BCL11B: variants seen among roughly 807,000 people sequenced by gnomAD.
The protein encoded by BCL11B is B-cell lymphoma/leukemia 11B.
A neutral mutation model predicts 49.9 loss-of-function variants in BCL11B; 8 were observed. That is an observed-to-expected ratio of 0.16 (90% CI 0.09 to 0.29). BCL11B has a LOEUF of 0.29. Ranked by LOEUF, BCL11B falls within the 10% of genes least tolerant of loss-of-function variation. BCL11B has a pLI of 1.00. For synonymous variants in BCL11B, 739 were observed against 637.4 expected (o/e 1.16, Z -2.40); for missense variants, 1,006 against 1,351.0 (o/e 0.74, Z 4.00).
At chr14:99,252,491 C>T (rs1053916059) in intron 2 of BCL11B, among the ~76,000 whole-genome samples, 8 of 152,210 alleles carry the variant, frequency 5.3e-5, no homozygotes, top group Admixed American at 6.5e-5. Context: ...AAGTCCTTTT[C>T]TCTCACACAT....
chr14:99,232,140 A>G lies in BCL11B; in HGVS notation c.428-583T>C, dbSNP rs1171424587. 6.6e-6 allele frequency among the ~76,000 whole-genome samples: 1 copy of G among 152,082 alleles called. No homozygotes were observed. The highest frequency in any genetic ancestry group is 1.9e-4 in the East Asian group (1 of 5,138). ...GGGCTCTCTCCAGCCCCAAGCACTGAGCGTGCTGCACCCAAAACGCAATGC... is the reference window on the plus strand; with the variant it reads ...GGGCTCTCTCCAGCCCCAAGCACTGGGCGTGCTGCACCCAAAACGCAATGC... On this transcript the variant is annotated intron_variant, in intron 2 of 3. Transcript: ENST00000357195. The surrounding 1 kb of genome is among the most constrained non-coding windows in gnomAD (Gnocchi z 5.1).
At chr14:99,235,679 T>C (rs1888475169) in intron 2 of BCL11B, among the ~76,000 whole-genome samples, 1 of 151,792 alleles carries the variant, frequency 6.6e-6, no homozygotes, top group African/African-American at 2.4e-5. Flanking sequence ...TCTTTTTTTT[T>C]TCTTTTTTCT....
Position 99,174,594 on chromosome 14 carries a change from C to A in BCL11B, c.2242G>T (p.Gly748Cys). The A allele has an allele frequency of 6.5e-7, 1 of 1,530,294 alleles. No homozygotes were observed. Among genetic ancestry groups the A allele is most frequent in the Non-Finnish European group, 8.8e-7 (1 of 1,141,738 alleles). The allele number at this position is 1,530,294 out of a possible 1,614,324, so 94.8% of individuals were successfully genotyped here. The change falls in exon 4 of 4, where the codon GGC becomes TGC. Residue 748 changes from glycine to cysteine, a missense_variant. This residue lies in a region of BCL11B where 443 missense variants were observed against 499.7 expected (regional missense o/e 0.89). Coordinates refer to ENST00000357195, the MANE Select transcript of BCL11B (RefSeq NM_138576.4). The part of the protein sequence containing the change: ...ATSSEHSSEN[G>C]SLRFSTPPGD... ...GGCGGCGTGGAGAAGCGCAGGCTGC[C>A]GTTCTCGGACGAGTGCTCGGACGAC...
At chr14:99,217,403 C>CACACACATACAG (rs1887882999) in intron 3 of BCL11B, among the ~76,000 whole-genome samples, 6 of 48,684 alleles carry the variant, frequency 1.2e-4, no homozygotes, top group Non-Finnish European at 2.9e-4. Context: ...CACACACACA[C>CACACACATACAG]ACACACACAC....
In BCL11B at chr14:99,175,687, G is replaced by A. The variant is rs1324754052; in HGVS notation, c.1149C>T (p.Gly383=). ...NSSTPPPVSP[G]RGNPMHRLLN... ...GGAGCCGGTGCATAGGGTTGCCGCGGCCCGGGGACACGGGCGGCGGCGTGG... is the reference window on the plus strand; with the variant it reads ...GGAGCCGGTGCATAGGGTTGCCGCGACCCGGGGACACGGGCGGCGGCGTGG... The change falls in exon 4 of 4, where the codon GGC becomes GGT. Residue 383 remains glycine, a synonymous_variant. Transcript: ENST00000357195. 2.6e-6 allele frequency: 4 copies of A among 1,529,930 alleles called. No homozygotes were observed. Among genetic ancestry groups the A allele is most frequent in the Middle Eastern group, 3.7e-4 (2 of 5,400 alleles). The allele number at this position is 1,529,930 out of a possible 1,614,324, so 94.8% of individuals were successfully genotyped here.
chr14:99,240,794 T>G (rs1888646354), intron 2 of BCL11B, among the ~76,000 whole-genome samples: 1 of 152,230 alleles, frequency 6.6e-6, no homozygotes, highest in African/African-American at 2.4e-5. Context: ...TTAATAAAGA[T>G]TGTTAGCACA....
At chr14:99,224,625 CCT>C (rs1217140487) in intron 3 of BCL11B, among the ~76,000 whole-genome samples, 1 of 152,220 alleles carries the variant, frequency 6.6e-6, no homozygotes, top group African/African-American at 2.4e-5. Context: ...CGGCCTTTTC[CCT>C]CTGATTCCCC....
intron 3 of BCL11B, among the ~76,000 whole-genome samples, chr14:99,185,018 T>C (rs1404239933): frequency 6.6e-6 from 1 of 152,142 alleles, no homozygotes; most frequent in Non-Finnish European, 1.5e-5. Context: ...CTTGGTTTCC[T>C]CCCTCAGGGT....
rs1299810030 is a variant in BCL11B at position 99,184,618 on chromosome 14, C to A, written c.641-8423G>T. The stretch of plus-strand genomic sequence containing the variant: ...GAGCGTGTGCTGGGGTCCAGACTCA[C>A]AACTGGCTGCCCCTCACACAGGGAT... On this transcript the variant is annotated intron_variant, in intron 3 of 3. Transcript: ENST00000357195. This position sits in a 1 kb window ranked among gnomAD's most constrained non-coding sequence, Gnocchi z 6.1. 6.6e-6 allele frequency among the ~76,000 whole-genome samples: 1 copy of A among 152,180 alleles called. No homozygotes were observed. The highest frequency in any genetic ancestry group is 2.4e-5 in the African/African-American group (1 of 41,436).
At position 99,174,098 on chromosome 14, in the gene BCL11B, C is replaced by A; in HGVS notation, c.*53G>T. On this transcript the variant is annotated 3_prime_UTR_variant, in exon 4 of 4. Coordinates refer to ENST00000357195, the MANE Select transcript of BCL11B (RefSeq NM_138576.4). ...CGGAGGCAAGTCAGGTCAGCATTCT[C>A]TCGGTTGGCAACGGTTCCACTGTAC... 1 of 1,564,954 alleles carries A rather than the reference C, an allele frequency of 6.4e-7. No homozygotes were observed. Among genetic ancestry groups the A allele is most frequent in the South Asian group, 1.1e-5 (1 of 88,610 alleles).
intron 2 of BCL11B, among the ~76,000 whole-genome samples, chr14:99,254,974 C>T (rs1188732994): frequency 1.3e-5 from 2 of 152,210 alleles, no homozygotes; most frequent in East Asian, 1.9e-4. Context: ...AATGCAACTA[C>T]TGCAGTCCTC....
chr14:99,260,396 T>C (rs142768819), intron 1 of BCL11B, among the ~76,000 whole-genome samples: 2 of 152,290 alleles, frequency 1.3e-5, no homozygotes, highest in Non-Finnish European at 2.9e-5. Flanking sequence ...CGGTTTACTT[T>C]TTTGTTTGCT....
chr14:99,253,450 G>C (rs1889066689), intron 2 of BCL11B, among the ~76,000 whole-genome samples: 2 of 152,336 alleles, frequency 1.3e-5, no homozygotes, highest in South Asian at 2.1e-4. Flanking sequence ...ATGCGGCGGA[G>C]GAGGGAAAGC....
rs754237743 is a variant in BCL11B, at chr14:99,271,676, T to C, written c.-458A>G. On this transcript the variant is annotated 5_prime_UTR_variant, in exon 1 of 4. Coordinates refer to ENST00000357195, the MANE Select transcript of BCL11B (RefSeq NM_138576.4). ...TTAAACTGGGTTTTGCACCGGCTCC[T>C]GACACTTTCTTTCAGGGTCTGGTAG... Among the ~76,000 whole-genome samples the C allele has an allele frequency of 6.6e-6, 1 of 151,880 alleles. No homozygotes were observed. The highest frequency in any genetic ancestry group is 1.5e-5 in the Non-Finnish European group (1 of 68,002).
chr14:99,259,705 G>A (rs559235384), intron 1 of BCL11B, among the ~76,000 whole-genome samples: 21 of 152,276 alleles, frequency 1.4e-4, no homozygotes, highest in East Asian at 1.3e-3. Context: ...TCACAAAGCC[G>A]GTCCCAGAAA....
At chr14:99,185,851 T>A (rs1886837732) in intron 3 of BCL11B, among the ~76,000 whole-genome samples, 1 of 152,168 alleles carries the variant, frequency 6.6e-6, no homozygotes, top group South Asian at 2.1e-4. Context: ...ACCCAAGACC[T>A]CACCGCATCT....
rs1308520256 is a variant in BCL11B at position 99,172,459 on chromosome 14, T to G, written c.*1692A>C. The G allele has an allele frequency of 4.8e-6, 1 of 209,796 alleles. No individual in the cohort carries two copies. The allele number at this position is 209,796 out of a possible 1,614,324, so 13.0% of individuals were successfully genotyped here. ...TGTTAGTTTCTAAAGAATGTACTTT[T>G]CTTGTTTTACTTTTTTAAAAAGTCT... On this transcript the variant is annotated 3_prime_UTR_variant, in exon 4 of 4. Coordinates refer to ENST00000357195, the MANE Select transcript of BCL11B (RefSeq NM_138576.4).
At chr14:99,271,116 G>T in intron 1 of BCL11B, 45 bp downstream of exon 1, 1 of 1,511,388 alleles carries the variant, frequency 6.6e-7, no homozygotes, top group Non-Finnish European at 8.8e-7. Flanking sequence ...CCAGACGCCC[G>T]GAGCCCCATC....
chr14:99,173,792 G>T lies in BCL11B; in HGVS notation c.*359C>A. On this transcript the variant is annotated 3_prime_UTR_variant, in exon 4 of 4. Transcript: ENST00000357195. ...ACATTGCTTGCGAGTCATTGCTCAG[G>T]CTACTACCGGGTTAAAAAAAAAACA... The T allele has an allele frequency of 3.2e-6, 1 of 315,316 alleles. No homozygotes were observed. The highest frequency in any genetic ancestry group is 5.9e-6 in the Non-Finnish European group (1 of 169,628). 19.5% of individuals were successfully genotyped at this position (315,316 alleles called of 1,614,324 possible).
Sources: gnomAD v4.1 joint callset for allele counts (sites outside exome capture counted in the v4.1 genomes callset) on GRCh38, gnomAD v4.1.1 for gene constraint, gnomAD v4.1.1 regional missense constraint, Gnocchi (gnomAD v3.1) non-coding constraint, MANE v1.5 for transcripts, NCBI Gene and HGNC (gene_info 2026-07-23, HGNC 2026-07-21) for gene names.